The following FER1L6 variants were observed in gnomAD, a reference collection of about 807,000 sequenced individuals.
FER1L6 encodes fer-1-like protein 6.
A neutral mutation model predicts 219.2 loss-of-function variants in FER1L6; 177 were observed. That is an observed-to-expected ratio of 0.81 (90% CI 0.71 to 0.91). The LOEUF (loss-of-function observed/expected upper bound fraction) is 0.91, where lower values mean the gene tolerates loss of function less well. FER1L6 is among the 40% of genes least tolerant of loss of function. The pLI is 0.00. For missense variants in FER1L6, 2,153 were observed against 2,259.9 expected, an observed-to-expected ratio of 0.95 and a Z score of 0.96; for synonymous variants, 768 against 824.3, an observed-to-expected ratio of 0.93 and a Z score of 1.17.
chr8:124,099,778 C>T (rs1822474930), intron 37 of FER1L6, among the ~76,000 whole-genome samples: 1 of 151,826 alleles, frequency 6.6e-6, no homozygotes, highest in Non-Finnish European at 1.5e-5. Context: ...TAGCCCCTGC[C>T]TCTCTCTCTC....
intron 3 of FER1L6, among the ~76,000 whole-genome samples, chr8:123,965,060 T>C (rs961642128): frequency 3.3e-5 from 5 of 152,206 alleles, no homozygotes; most frequent in Non-Finnish European, 7.4e-5. Flanking sequence ...ACCAATTAAA[T>C]GATATTTACC....
At chr8:123,906,664 G>T (rs890705384) in intron 1 of FER1L6, among the ~76,000 whole-genome samples, 1 of 151,960 alleles carries the variant, frequency 6.6e-6, no homozygotes, top group Non-Finnish European at 1.5e-5. Flanking sequence ...GCTTGGCGTG[G>T]TGGTGTGTGC....
chr8:123,902,196 A>C lies in FER1L6; in HGVS notation c.-8+50011A>C, dbSNP rs2129737065. Among the ~76,000 whole-genome samples, 3 of 152,262 alleles carry C rather than the reference A, an allele frequency of 2.0e-5. No individual in the cohort carries two copies. The East Asian group carries it at 5.8e-4, about 29-fold the overall frequency. On this transcript the variant is annotated intron_variant, in intron 1 of 40. Transcript: ENST00000522917. ...TGCTTGATATAATTTCAATTTTCTT[A>C]AATTTATTGAGGCTCATTTTATGGC...
chr8:123,941,010 ATATT>A (rs1332731911), intron 1 of FER1L6, among the ~76,000 whole-genome samples: 4 of 152,154 alleles, frequency 2.6e-5, no homozygotes, highest in Non-Finnish European at 5.9e-5. Flanking sequence ...TTCTTTTTGT[ATATT>A]TATTTATACC....
chr8:124,008,314 G>A (rs546138097), intron 13 of FER1L6, among the ~76,000 whole-genome samples: 4 of 152,074 alleles, frequency 2.6e-5, no homozygotes, highest in East Asian at 3.9e-4. Context: ...TCATATATAC[G>A]CACACACACC....
Position 123,947,420 on chromosome 8 carries a change from C to T in FER1L6, c.-7-8572C>T, listed in dbSNP as rs1410979446. Among the ~76,000 whole-genome samples, 5 of 152,112 alleles carry T rather than the reference C, an allele frequency of 3.3e-5. No individual in the cohort carries two copies. The South Asian group carries it at 8.3e-4, about 25-fold the overall frequency. On this transcript the variant is annotated intron_variant, in intron 1 of 40. Coordinates refer to ENST00000522917, the MANE Select transcript of FER1L6 (RefSeq NM_001039112.2). ...GAGTGAACAATTTCCTTTTTCTCCC[C>T]AGCTCCAAGATGAATATTAGGATTA...
intron 15 of FER1L6, among the ~76,000 whole-genome samples, chr8:124,015,312 C>A (rs988440004): frequency 6.6e-6 from 1 of 151,984 alleles, no homozygotes; most frequent in Non-Finnish European, 1.5e-5. Flanking sequence ...TTAGAGGCTG[C>A]TGACCCTTTA....
rs143386475 is a variant in FER1L6, at chr8:124,042,711, C to T, written c.2589+2705C>T. Among the ~76,000 whole-genome samples the T allele has an allele frequency of 2.6e-5, 4 of 152,238 alleles. No individual in the cohort carries two copies. In the East Asian group the frequency reaches 5.8e-4, roughly 22 times the overall value. ...GAACCTGGGCCCCTGCAGTCATAGC[C>T]GAGTGCCACTGTTCAGCTGGTAGCA... On this transcript the variant is annotated intron_variant, in intron 20 of 40. Transcript: ENST00000522917.
chr8:123,874,838 G>A (rs1816978776), intron 1 of FER1L6, among the ~76,000 whole-genome samples: 1 of 152,070 alleles, frequency 6.6e-6, no homozygotes, highest in African/African-American at 2.4e-5. Flanking sequence ...TTCCACCTTG[G>A]AAGATTATTT....
At chr8:123,943,328 C>T (rs1023689445) in intron 1 of FER1L6, among the ~76,000 whole-genome samples, 8 of 152,122 alleles carry the variant, frequency 5.3e-5, no homozygotes, top group Non-Finnish European at 1.0e-4. Flanking sequence ...TCTTGATCGA[C>T]CTCTAATTAC....
At chr8:123,895,086 G>A (rs1812722330) in intron 1 of FER1L6, among the ~76,000 whole-genome samples, 1 of 152,196 alleles carries the variant, frequency 6.6e-6, no homozygotes, top group Non-Finnish European at 1.5e-5. Flanking sequence ...CCAACTGATA[G>A]GATGAAATGA....
Position 123,974,659 on chromosome 8 carries a change from C to CAAAAAAAA in FER1L6, c.527-475_527-468dup, listed in dbSNP as rs994690186. Among the ~76,000 whole-genome samples the CAAAAAAAA allele has an allele frequency of 1.9e-3, 89 of 47,760 alleles. 3 individuals carry two copies. Among genetic ancestry groups the CAAAAAAAA allele is most frequent in the East Asian group, 3.3e-3 (6 of 1,836 alleles). The allele number at this position is 47,760 out of a possible 152,430, so 31.3% of individuals were successfully genotyped here. On this transcript the variant is annotated intron_variant, in intron 7 of 40. Transcript: ENST00000522917. ...CAGGCATCACAGCGAGACTCTGTCT[C>CAAAAAAAA]AAAAAAAAAAAAAAAAAAAAAAAGA... is the stretch of plus-strand genomic sequence containing the variant.
chr8:124,118,752 G>C, intron 39 of FER1L6, 92 bp from the exon 40 acceptor site: 1 of 1,069,978 alleles, frequency 9.3e-7, no homozygotes, highest in Non-Finnish European at 1.4e-6. Flanking sequence ...ATACTTTCTG[G>C]AATTCTCCAA....
chr8:123,976,809 T>G (rs1816094649), intron 9 of FER1L6, among the ~76,000 whole-genome samples: 6 of 152,164 alleles, frequency 3.9e-5, no homozygotes, highest in Admixed American at 3.9e-4. Context: ...GTCCTTGTCT[T>G]ATGTAAGCCT....
intron 12 of FER1L6, among the ~76,000 whole-genome samples, chr8:123,989,438 C>T (rs527273102): frequency 3.9e-5 from 6 of 152,126 alleles, no homozygotes; most frequent in Admixed American, 6.5e-5. Flanking sequence ...AAATAGTTTT[C>T]GGTAACGTGG....
rs1302238963 is a variant in FER1L6 at position 123,853,956 on chromosome 8, C to T, written c.-8+1771C>T. On this transcript the variant is annotated intron_variant, in intron 1 of 40. Transcript: ENST00000522917. This position sits in a 1 kb window ranked among gnomAD's most constrained non-coding sequence, Gnocchi z 6.6. Reference sequence around the variant, plus strand: ...GCAAAGGATGCAGGGCTTCTGTGGGCCTGGCTCTCAGGGAAGCATCAGGGA... The same window carrying T: ...GCAAAGGATGCAGGGCTTCTGTGGGTCTGGCTCTCAGGGAAGCATCAGGGA... Among the ~76,000 whole-genome samples the T allele has an allele frequency of 6.6e-6, 1 of 152,158 alleles. No homozygotes were observed. Among genetic ancestry groups the T allele is most frequent in the Non-Finnish European group, 1.5e-5 (1 of 68,018 alleles).
chr8:123,893,209 G>A (rs550738748), intron 1 of FER1L6, among the ~76,000 whole-genome samples: 1 of 152,148 alleles, frequency 6.6e-6, no homozygotes, highest in Admixed American at 6.5e-5. Context: ...TTGCTTCTTT[G>A]GGGGAGTTCA....
At chr8:124,109,859 T>C (rs1822944861) in intron 39 of FER1L6, among the ~76,000 whole-genome samples, 1 of 152,142 alleles carries the variant, frequency 6.6e-6, no homozygotes, top group Non-Finnish European at 1.5e-5. Context: ...CTGACTGTGG[T>C]AGTAACAAGC....
rs150725921 is a variant in FER1L6 at position 123,945,047 on chromosome 8, T to C, written c.-7-10945T>C. ...TCATAGATTGGGGATCAATGAAGCT[T>C]TCCTCATTGTTTGTGCAGTTGGTGA... is the stretch of plus-strand genomic sequence containing the variant. On this transcript the variant is annotated intron_variant, in intron 1 of 40. Coordinates refer to ENST00000522917, the MANE Select transcript of FER1L6 (RefSeq NM_001039112.2). 1.8e-4 allele frequency among the ~76,000 whole-genome samples: 27 copies of C among 152,352 alleles called. 1 individual carries two copies. The East Asian group carries it at 5.0e-3, about 28-fold the overall frequency.
Sources: gnomAD v4.1 joint callset for allele counts (sites outside exome capture counted in the v4.1 genomes callset) on GRCh38, gnomAD v4.1.1 for gene constraint, Gnocchi (gnomAD v3.1) non-coding constraint, MANE v1.5 for transcripts, NCBI Gene and HGNC (gene_info 2026-07-23, HGNC 2026-07-21) for gene names.